Variants in PRKG1 observed in about 807,000 individuals in gnomAD.
PRKG1 encodes cGMP-dependent protein kinase 1.
PRKG1 carries 35 observed loss-of-function variants against 88.1 expected under a neutral mutation model. The observed-to-expected ratio is 0.40, with a 90% CI of 0.30 to 0.53. The LOEUF (loss-of-function observed/expected upper bound fraction) is 0.53, where lower values mean the gene tolerates loss of function less well. PRKG1 is among the 20% of genes least tolerant of loss of function. The pLI is 0.59. For missense variants in PRKG1, 540 were observed against 839.8 expected, an observed-to-expected ratio of 0.64 and a Z score of 4.41; for synonymous variants, 303 against 292.5, an observed-to-expected ratio of 1.04 and a Z score of -0.37.
chr10:51,357,222 G>A (rs187924212), intron 2 of PRKG1, among the ~76,000 whole-genome samples: 2 of 152,106 alleles, frequency 1.3e-5, no homozygotes, highest in Admixed American at 1.3e-4. Context: ...TAGATTTTTA[G>A]GCTTAGCAGT....
intron 3 of PRKG1, among the ~76,000 whole-genome samples, chr10:51,621,007 GTGTA>G (rs570278012): frequency 0.062 from 7,570 of 122,168 alleles, 373 homozygotes; most frequent in Admixed American, 0.13. Context: ...GTGTATATGT[GTGTA>G]TATATATATA....
chr10:51,191,346 A>T (rs747053991), intron 2 of PRKG1, among the ~76,000 whole-genome samples: 1 of 151,806 alleles, frequency 6.6e-6, no homozygotes, highest in African/African-American at 2.4e-5. Context: ...TGGGTAAATT[A>T]TATAACTTCT....
At chr10:51,178,309 A>G (rs909749311) in intron 2 of PRKG1, among the ~76,000 whole-genome samples, 1 of 152,160 alleles carries the variant, frequency 6.6e-6, no homozygotes, top group African/African-American at 2.4e-5. Flanking sequence ...GCAATTGACT[A>G]CAATTCTATA....
intron 7 of PRKG1, among the ~76,000 whole-genome samples, chr10:52,112,266 A>C (rs1847581956): frequency 6.6e-6 from 1 of 152,150 alleles, no homozygotes; most frequent in Non-Finnish European, 1.5e-5. Flanking sequence ...AGCTTGTGGA[A>C]TTTATAACTT....
chr10:51,889,820 A>AT (rs1291652642), intron 4 of PRKG1, among the ~76,000 whole-genome samples: 4 of 152,018 alleles, frequency 2.6e-5, no homozygotes, highest in Non-Finnish European at 5.9e-5. Context: ...GATGATGAGC[A>AT]TTTTTTCATG....
chr10:51,369,845 G>T (rs761838646), intron 2 of PRKG1, among the ~76,000 whole-genome samples: 1 of 151,714 alleles, frequency 6.6e-6, no homozygotes, highest in East Asian at 1.9e-4. Flanking sequence ...GAAAAAGAAC[G>T]CCCATGAAAA....
intron 12 of PRKG1, among the ~76,000 whole-genome samples, chr10:52,278,718 G>A (rs1433038368): frequency 6.6e-6 from 1 of 151,868 alleles, no homozygotes; most frequent in Non-Finnish European, 1.5e-5. Flanking sequence ...ATGAGGTCAG[G>A]AGGTCGAACC....
intron 8 of PRKG1, among the ~76,000 whole-genome samples, chr10:52,152,922 C>T (rs1837976160): frequency 6.6e-6 from 1 of 152,102 alleles, no homozygotes; most frequent in South Asian, 2.1e-4. Flanking sequence ...AGGGCCAGGA[C>T]ATTAAAGAGT....
intron 2 of PRKG1, among the ~76,000 whole-genome samples, chr10:51,232,558 G>A (rs545655232): frequency 2.7e-4 from 8 of 29,510 alleles, no homozygotes; most frequent in African/African-American, 1.5e-3. Context: ...ATTCTATACC[G>A]TCATTCAAAA....
chr10:51,771,504 G>C (rs1361040646), intron 3 of PRKG1, among the ~76,000 whole-genome samples: 3 of 152,108 alleles, frequency 2.0e-5, no homozygotes, highest in Non-Finnish European at 4.4e-5. Flanking sequence ...TCCCCACCTT[G>C]TTCATTCTAA....
chr10:52,119,639 A>G (rs1358032844), intron 7 of PRKG1, among the ~76,000 whole-genome samples: 1 of 152,238 alleles, frequency 6.6e-6, no homozygotes, highest in African/African-American at 2.4e-5. Context: ...ACCAAGAAAA[A>G]TAAAGGAAAG....
chr10:51,481,041 T>G (rs1840340591), intron 3 of PRKG1, among the ~76,000 whole-genome samples: 1 of 152,098 alleles, frequency 6.6e-6, no homozygotes, highest in Admixed American at 6.6e-5. Context: ...TGGCATTTAA[T>G]GAAACTCATA....
intron 2 of PRKG1, among the ~76,000 whole-genome samples, chr10:51,467,365 G>A (rs1446875022): frequency 6.6e-6 from 1 of 151,916 alleles, no homozygotes; most frequent in Non-Finnish European, 1.5e-5. Context: ...GTGTGCTGTA[G>A]AAAATGTACC....
intron 2 of PRKG1, among the ~76,000 whole-genome samples, chr10:51,421,301 A>G (rs536661248): frequency 4.6e-5 from 7 of 152,170 alleles, no homozygotes; most frequent in South Asian, 4.1e-4. Flanking sequence ...CCTCCCAAGT[A>G]TTTAATACTA....
At chr10:51,890,569 G>A (rs1489573452) in intron 4 of PRKG1, among the ~76,000 whole-genome samples, 4 of 152,316 alleles carry the variant, frequency 2.6e-5, no homozygotes, top group South Asian at 4.1e-4. Flanking sequence ...AAATAATTGT[G>A]TGAATTGTAT....
chr10:52,252,212 T>C (rs1010871548), intron 10 of PRKG1: 2 of 152,606 alleles, frequency 1.3e-5, no homozygotes, highest in Non-Finnish European at 2.9e-5. Context: ...TGTATACATA[T>C]GTATACACAT....
At chr10:51,668,970 G>A (rs1156708182) in intron 3 of PRKG1, among the ~76,000 whole-genome samples, 1 of 152,050 alleles carries the variant, frequency 6.6e-6, no homozygotes, top group Non-Finnish European at 1.5e-5. Context: ...TATATCAGGA[G>A]ATATTACTTT....
At chr10:51,111,993 T>C (rs1266034374) in intron 1 of PRKG1, among the ~76,000 whole-genome samples, 1 of 152,168 alleles carries the variant, frequency 6.6e-6, no homozygotes, top group African/African-American at 2.4e-5. Flanking sequence ...TGAATTGTTG[T>C]AGTTTTCTTT....
intron 5 of PRKG1, among the ~76,000 whole-genome samples, chr10:52,012,310 C>T (rs1389191709): frequency 2.0e-5 from 3 of 150,534 alleles, no homozygotes; most frequent in Non-Finnish European, 4.4e-5. Context: ...GGCACAATCT[C>T]AGCTCACTGC....
Sources: gnomAD v4.1 joint callset for allele counts (sites outside exome capture counted in the v4.1 genomes callset) on GRCh38, gnomAD v4.1.1 for gene constraint, MANE v1.5 for transcripts, NCBI Gene and HGNC (gene_info 2026-07-23, HGNC 2026-07-21) for gene names.